CECR2: variants seen among roughly 807,000 people sequenced by gnomAD.
CECR2 encodes the protein chromatin remodeling regulator CECR2.
A neutral mutation model predicts 154.5 loss-of-function variants in CECR2; 30 were observed. The ratio of observed to expected loss-of-function variants is 0.19; its 90% CI spans 0.15 to 0.26. CECR2 has a LOEUF of 0.26. CECR2 is among the 10% of genes least tolerant of loss of function. The pLI, the probability that CECR2 is intolerant of heterozygous loss-of-function variation, is 1.00. For missense variants in CECR2, 1,743 were observed against 1,829.3 expected (o/e 0.95, Z 0.86); for synonymous variants, 725 against 683.7 (o/e 1.06, Z -0.94).
At chr22:17,381,516 T>C (rs2146472398) in intron 1 of CECR2, among the ~76,000 whole-genome samples, 1 of 152,320 alleles carries the variant, frequency 6.6e-6, no homozygotes, top group East Asian at 1.9e-4. Flanking sequence ...CTGACTCCGC[T>C]TGGATTTCTG....
intron 2 of CECR2, among the ~76,000 whole-genome samples, chr22:17,481,060 A>AAAAAAAAAAAAAAAAAAAAAAC (rs1166109843): frequency 7.0e-6 from 1 of 142,206 alleles, no homozygotes; most frequent in Admixed American, 7.1e-5. Flanking sequence ...AAAAAAAAAA[A>AAAAAAAAAAAAAAAAAAAAAAC]AGGCCGGGCA....
At position 17,499,411 on chromosome 22, in the gene CECR2, G is replaced by A; in HGVS notation, c.407G>A (p.Gly136Asp). The A allele has an allele frequency of 6.2e-7, 1 of 1,613,296 alleles. No homozygotes were observed. The highest frequency in any genetic ancestry group is 2.2e-5 in the East Asian group (1 of 44,840). The change falls in exon 4 of 19, where the codon GGC (glycine) becomes GAC (aspartate). Residue 136 changes from glycine (G) to aspartate (D), a missense_variant and splice_region_variant. Physicochemically the swap from Gly to Asp is moderately conservative, Grantham distance 94 (BLOSUM62 -1). Around this residue, in one of 4 missense-constraint regions of CECR2, gnomAD observed 98 missense variants for 169.3 expected, o/e 0.58. Coordinates refer to ENST00000262608, the MANE Select transcript of CECR2 (RefSeq NM_001290047.2). ...DADDVFDLLK[G>D]LDADSLRVEP... is the part of the protein sequence containing the mutation. ...ACCCCTTTTCCGTGCTCTGTGTAGG[G>A]CCTGGATGCAGACAGTCTCCGTGTG... is the stretch of plus-strand genomic sequence containing the variant.
At chr22:17,380,606 C>T (rs1187267240) in intron 1 of CECR2, among the ~76,000 whole-genome samples, 4 of 152,164 alleles carry the variant, frequency 2.6e-5, no homozygotes, top group African/African-American at 9.7e-5. Flanking sequence ...GTGTGAGTGG[C>T]TGTCAGAACA....
chr22:17,533,611 T>C (rs1483144049), intron 9 of CECR2, among the ~76,000 whole-genome samples: 2 of 151,922 alleles, frequency 1.3e-5, no homozygotes, highest in African/African-American at 4.8e-5. Context: ...GCCTGGGTGA[T>C]AGAGTGAGGC....
intron 1 of CECR2, among the ~76,000 whole-genome samples, chr22:17,417,588 C>G (rs1018867850): frequency 6.6e-6 from 1 of 152,126 alleles, no homozygotes; most frequent in African/African-American, 2.4e-5. Flanking sequence ...CTATAGGCAG[C>G]ATTCCACAAC....
At chr22:17,409,049 A>G (rs193300530) in intron 1 of CECR2, among the ~76,000 whole-genome samples, 4 of 152,298 alleles carry the variant, frequency 2.6e-5, no homozygotes, top group African/African-American at 9.6e-5. Context: ...ATTCATCTCA[A>G]TGAATGAAAC....
In CECR2 at chr22:17,541,895, G is replaced by T. The variant is rs1475550938; in HGVS notation, c.1941G>T (p.Leu647Phe). The stretch of plus-strand genomic sequence containing the variant: ...TGCGAGGATCAGATCCTGCCACCTT[G>T]TATGGCTCCTCTGGAGTCCCGGAGC... ...GPLRGSDPATLYGSSGVPEPH... is the reference protein window; with the variant it reads ...GPLRGSDPATFYGSSGVPEPH... The change falls in exon 15 of 19, where the codon TTG becomes TTT. Residue 647 changes from leucine to phenylalanine, a missense_variant. Leu to Phe is a conservative substitution (Grantham distance 22). Around this residue, in one of 4 missense-constraint regions of CECR2, gnomAD observed 1,250 missense variants for 1,192.1 expected, o/e 1.05. Transcript: ENST00000262608. The T allele has an allele frequency of 6.2e-7, 1 of 1,613,854 alleles. No individual in the cohort carries two copies. The highest frequency in any genetic ancestry group is 8.5e-7 in the Non-Finnish European group (1 of 1,179,892).
chr22:17,508,077 C>T (rs1475452550), intron 7 of CECR2, among the ~76,000 whole-genome samples: 1 of 152,138 alleles, frequency 6.6e-6, no homozygotes, highest in Non-Finnish European at 1.5e-5. Context: ...CTCCTCATTC[C>T]ATAGTATATA....
At chr22:17,437,046 A>G (rs2054516542) in intron 1 of CECR2, among the ~76,000 whole-genome samples, 1 of 152,118 alleles carries the variant, frequency 6.6e-6, no homozygotes, top group South Asian at 2.1e-4. Context: ...CTTGGGGAGA[A>G]CTGGCCTCTG....
chr22:17,525,057 G>GC lies in CECR2; in HGVS notation c.1108+787dup. ...CCAGCACTTTGGGAGGCCAAGGGGG[G>GC]CGGATCACATGAGGTTGGGTTTTCG... On this transcript the variant is annotated intron_variant, in intron 9 of 18. Coordinates refer to ENST00000262608, the MANE Select transcript of CECR2 (RefSeq NM_001290047.2). Among the ~76,000 whole-genome samples the GC allele has an allele frequency of 2.0e-5, 3 of 146,792 alleles. 1 individual carries two copies. Among genetic ancestry groups the GC allele is most frequent in the African/African-American group, 7.4e-5 (3 of 40,282 alleles).
At chr22:17,504,405 T>TA (rs1355743613) in intron 6 of CECR2, among the ~76,000 whole-genome samples, 1 of 151,644 alleles carries the variant, frequency 6.6e-6, no homozygotes, top group Non-Finnish European at 1.5e-5. Flanking sequence ...ATAGGTCTCT[T>TA]TTTTGAGTTC....
chr22:17,364,342 C>CA lies in CECR2; in HGVS notation c.-364+4339dup, dbSNP rs59134897. Among the ~76,000 whole-genome samples, 218 of 52,812 alleles carry CA rather than the reference C, an allele frequency of 4.1e-3. 3 individuals are homozygous for CA. The highest frequency in any genetic ancestry group is 0.015 in the Middle Eastern group (1 of 66). 34.6% of individuals were successfully genotyped at this position (52,812 alleles called of 152,430 possible). ...TGGACGACAGAGCAAGACTCTGTCT[C>CA]AAAAAAAAAAAAAAAAAAAAGAATT... is the stretch of plus-strand genomic sequence containing the variant. On this transcript the variant is annotated intron_variant, in intron 1 of 18. Transcript: ENST00000400585.
chr22:17,454,320 C>T (rs1481385316), intron 1 of CECR2, among the ~76,000 whole-genome samples: 3 of 151,216 alleles, frequency 2.0e-5, no homozygotes, highest in Admixed American at 6.6e-5. Context: ...GCTGGCCAGG[C>T]GTGGTGGCTC....
At chr22:17,446,043 G>T (rs2054656565) in intron 1 of CECR2, among the ~76,000 whole-genome samples, 1 of 152,190 alleles carries the variant, frequency 6.6e-6, no homozygotes, top group Non-Finnish European at 1.5e-5. Flanking sequence ...TGTGGAGGGT[G>T]AACTGCACAG....
intron 1 of CECR2, among the ~76,000 whole-genome samples, chr22:17,361,429 T>C (rs937913351): frequency 6.6e-6 from 1 of 150,772 alleles, no homozygotes; most frequent in East Asian, 1.9e-4. Context: ...GACGTTGCAG[T>C]GCACCATTGC....
At chr22:17,436,422 TGACGGA>T (rs1569081436) in intron 1 of CECR2, among the ~76,000 whole-genome samples, 2 of 152,144 alleles carry the variant, frequency 1.3e-5, no homozygotes, top group Non-Finnish European at 2.9e-5. Context: ...GAAACTGGAG[TGACGGA>T]AGAAAGACTT....
chr22:17,540,912 T>A (rs2056513936), intron 14 of CECR2, 112 bp downstream of exon 14: 10 of 1,175,670 alleles, frequency 8.5e-6, no homozygotes, highest in Admixed American at 6.1e-5. Flanking sequence ...ATGTATGGAA[T>A]CTTTTTCCCT....
At chr22:17,391,102 G>A (rs2063321047) in intron 1 of CECR2, among the ~76,000 whole-genome samples, 1 of 152,168 alleles carries the variant, frequency 6.6e-6, no homozygotes, top group African/African-American at 2.4e-5. Flanking sequence ...AGTTTCACAT[G>A]TACATGTACT....
intron 2 of CECR2, among the ~76,000 whole-genome samples, chr22:17,485,156 C>T (rs567740318): frequency 6.6e-6 from 1 of 152,198 alleles, no homozygotes; most frequent in South Asian, 2.1e-4. Flanking sequence ...TTAATCCTTC[C>T]GACAGCCCTC....
Sources: allele counts gnomAD v4.1 joint callset (sites outside exome capture counted in the v4.1 genomes callset), GRCh38; gene constraint gnomAD v4.1.1; regional missense constraint gnomAD v4.1.1; transcripts MANE v1.5; gene names NCBI Gene and HGNC (gene_info 2026-07-23, HGNC 2026-07-21).